Variants in BANP observed in about 807,000 individuals in gnomAD.
BANP encodes the protein BTG3 associated nuclear protein.
Under a neutral mutation model 68.1 loss-of-function variants are expected in BANP, and 11 were observed. That is an observed-to-expected ratio of 0.16 (90% confidence interval 0.10 to 0.27). The LOEUF is 0.27. BANP is among the 10% of genes least tolerant of loss of function. BANP has a pLI of 1.00. For synonymous variants in BANP, 329 were observed against 303.2 expected (o/e 1.09, Z -0.88); for missense variants, 504 against 722.7 (o/e 0.70, Z 3.47).
chr16:87,971,844 G>A (rs1008906095), intron 1 of BANP, among the ~76,000 whole-genome samples: 1 of 152,144 alleles, frequency 6.6e-6, no homozygotes, highest in African/African-American at 2.4e-5. Context: ...CCAGGGTGGA[G>A]TGTAGTGGTG....
chr16:87,959,823 G>T, intron 1 of BANP: 1 of 153,188 alleles, frequency 6.5e-6, no homozygotes, highest in Non-Finnish European at 1.5e-5. Context: ...AAGGGCGAGA[G>T]CAGGGCGATG....
At chr16:87,978,734 C>A (rs555144058) in intron 2 of BANP, 4 of 456,728 alleles carry the variant, frequency 8.8e-6, no homozygotes, top group Non-Finnish European at 1.8e-5. Flanking sequence ...CAGTGTGTGA[C>A]CAGTGTGTCA....
At chr16:88,066,481 A>C (rs375144478) in intron 12 of BANP, among the ~76,000 whole-genome samples, 3 of 151,892 alleles carry the variant, frequency 2.0e-5, no homozygotes, top group Non-Finnish European at 4.4e-5. Context: ...GCTCGAAGGA[A>C]CCCAGCTTCG....
Position 88,018,778 on chromosome 16 carries a change from C to T in BANP, c.895+111C>T, listed in dbSNP as rs1442998168. 4 of 1,360,306 alleles carry T rather than the reference C, an allele frequency of 2.9e-6. No homozygotes were observed. The highest frequency in any genetic ancestry group is 5.1e-5 in the East Asian group (2 of 39,540). 84.3% of individuals were successfully genotyped at this position (1,360,306 alleles called of 1,614,324 possible). A position where few individuals can be genotyped will look rare whatever the true frequency, so the allele number is the denominator to read the frequency against. On this transcript the variant is annotated intron_variant, in intron 7 of 13. Transcript: ENST00000682872. The surrounding 1 kb of genome is among the most constrained non-coding windows in gnomAD (Gnocchi z 7.7). ...GTAGCACCGGCACGGGGCTGCGTTT[C>T]TCCAGGCGGTTTGAAATCTCAGCCC...
chr16:88,072,367 A>C (rs113063252), intron 13 of BANP, among the ~76,000 whole-genome samples, 155 bp downstream of exon 13: 45 of 152,368 alleles, frequency 3.0e-4, no homozygotes, highest in Middle Eastern at 3.4e-3. Context: ...TCTACGTCTC[A>C]CACTCACCGT....
Position 88,071,371 on chromosome 16 carries a change from TG to T in BANP, c.1378-695del, listed in dbSNP as rs1188405514. On this transcript the variant is annotated intron_variant, in intron 12 of 13. Coordinates refer to ENST00000682872, the MANE Select transcript of BANP (RefSeq NM_001386991.1). This position sits in a 1 kb window ranked among gnomAD's most constrained non-coding sequence, Gnocchi z 6.5. ...AGCGCCCAGTGGATTGAGTGGGAAG[TG>T]GGCCTGGGTGCTTACAGGCGATGGG... 1 of 406,050 alleles carries T rather than the reference TG, an allele frequency of 2.5e-6. No homozygotes were observed. Among genetic ancestry groups the T allele is most frequent in the East Asian group, 7.2e-5 (1 of 13,906 alleles). The allele number at this position is 406,050 out of a possible 1,614,324, so 25.2% of individuals were successfully genotyped here.
intron 12 of BANP, among the ~76,000 whole-genome samples, chr16:88,070,830 G>T (rs894990401): frequency 6.6e-6 from 1 of 152,240 alleles, no homozygotes; most frequent in Non-Finnish European, 1.5e-5. Context: ...CAGCCAGCAG[G>T]TTTGCTCTGG....
intron 1 of BANP, among the ~76,000 whole-genome samples, chr16:87,968,836 G>T (rs1464488310): frequency 6.6e-6 from 1 of 152,106 alleles, no homozygotes; most frequent in Non-Finnish European, 1.5e-5. Context: ...GCTTAGATCT[G>T]CATATTTTCC....
intron 11 of BANP, among the ~76,000 whole-genome samples, chr16:88,040,180 C>T (rs562214009): frequency 3.2e-4 from 49 of 152,140 alleles, no homozygotes; most frequent in African/African-American, 1.2e-3. Flanking sequence ...TTAAAGAAAC[C>T]GCTGTGTTCA....
chr16:88,029,154 A>G (rs1274361266), intron 8 of BANP, among the ~76,000 whole-genome samples: 5 of 152,054 alleles, frequency 3.3e-5, no homozygotes, highest in African/African-American at 1.2e-4. Flanking sequence ...TAAAAATACA[A>G]AAATTAGCCA....
intron 13 of BANP, among the ~76,000 whole-genome samples, chr16:88,076,019 T>G (rs1240709977): frequency 2.0e-5 from 3 of 152,180 alleles, no homozygotes; most frequent in African/African-American, 4.8e-5. Context: ...GCCCTGGGAT[T>G]ATAGGCATGA....
chr16:88,011,799 G>A (rs979675383), intron 6 of BANP, among the ~76,000 whole-genome samples: 2 of 151,900 alleles, frequency 1.3e-5, no homozygotes, highest in Admixed American at 6.6e-5. Context: ...GCTGTTCAGG[G>A]TACCCCCCCT....
chr16:88,044,022 C>G (rs2081391803), intron 11 of BANP, among the ~76,000 whole-genome samples: 1 of 152,156 alleles, frequency 6.6e-6, no homozygotes, highest in Non-Finnish European at 1.5e-5. Context: ...GGTGGATAGA[C>G]CAGTTGGCCA....
At chr16:87,975,026 C>G in intron 1 of BANP, 22 bp from the exon 2 acceptor site, 2 of 1,106,488 alleles carry the variant, frequency 1.8e-6, no homozygotes, top group Non-Finnish European at 2.7e-6. Context: ...TCCTCTCCTC[C>G]TCCTTTGCTT....
intron 1 of BANP, among the ~76,000 whole-genome samples, chr16:87,951,816 C>G (rs770923503): frequency 1.3e-5 from 2 of 152,066 alleles, no homozygotes; most frequent in East Asian, 1.9e-4. Context: ...CTCCCGACCT[C>G]TGTCCCGGGC....
chr16:87,951,087 G>C (rs903306858), upstream of BANP, among the ~76,000 whole-genome samples: 1 of 152,208 alleles, frequency 6.6e-6, no homozygotes, highest in African/African-American at 2.4e-5. Flanking sequence ...CGAATGCATG[G>C]CTCCCAGCTT....
chr16:88,074,273 G>A (rs551343193), intron 13 of BANP, among the ~76,000 whole-genome samples: 111 of 152,296 alleles, frequency 7.3e-4, no homozygotes, highest in Admixed American at 2.5e-3. Flanking sequence ...AGGGTCACGC[G>A]CTTGAGCTCG....
At chr16:88,051,645 T>A (rs1490380225) in intron 11 of BANP, among the ~76,000 whole-genome samples, 1 of 152,214 alleles carries the variant, frequency 6.6e-6, no homozygotes, top group East Asian at 1.9e-4. Context: ...TCTGTCACCT[T>A]CAGTGTTGTG....
chr16:88,043,978 G>T (rs1245153429), intron 11 of BANP, among the ~76,000 whole-genome samples: 1 of 152,188 alleles, frequency 6.6e-6, no homozygotes, highest in African/African-American at 2.4e-5. Context: ...AAAATTGATG[G>T]TTTTTTTATG....
Sources: allele counts gnomAD v4.1 joint callset (sites outside exome capture counted in the v4.1 genomes callset), GRCh38; gene constraint gnomAD v4.1.1; non-coding constraint Gnocchi (gnomAD v3.1); transcripts MANE v1.5; gene names NCBI Gene and HGNC (gene_info 2026-07-23, HGNC 2026-07-21).